Variants in TBC1D14 observed in about 807,000 individuals in gnomAD.
TBC1D14 encodes TBC1 domain family, member 14.
A neutral mutation model predicts 79.0 loss-of-function variants in TBC1D14; 26 were observed. That is an observed-to-expected ratio of 0.33 (90% CI 0.24 to 0.46). The LOEUF (loss-of-function observed/expected upper bound fraction) is 0.46, where lower values mean the gene tolerates loss of function less well. Ranked by LOEUF, TBC1D14 falls within the 20% of genes least tolerant of loss-of-function variation. The probability of loss-of-function intolerance (pLI) is 1.00; values close to 1 mark genes in which losing one functional copy is unlikely to be tolerated. For missense variants in TBC1D14, 769 were observed against 887.6 expected (o/e 0.87, Z 1.70); for synonymous variants, 394 against 349.9 (o/e 1.13, Z -1.40).
At chr4:6,976,354 A>G (rs1267093547) in intron 3 of TBC1D14, among the ~76,000 whole-genome samples, 3 of 152,226 alleles carry the variant, frequency 2.0e-5, no homozygotes, top group South Asian at 2.1e-4. Flanking sequence ...AAACTCTAAA[A>G]AGTAAGAAGT....
At chr4:6,946,805 G>A (rs1560270120) in intron 2 of TBC1D14, among the ~76,000 whole-genome samples, 1 of 152,052 alleles carries the variant, frequency 6.6e-6, no homozygotes. Context: ...TAAATCCCAC[G>A]TATATCCCCT....
At chr4:6,992,592 C>T (rs1718617426) in intron 3 of TBC1D14, among the ~76,000 whole-genome samples, 1 of 152,220 alleles carries the variant, frequency 6.6e-6, no homozygotes, top group Non-Finnish European at 1.5e-5. Flanking sequence ...TTCACCAGAC[C>T]AGGCTCAGCA....
intron 2 of TBC1D14, among the ~76,000 whole-genome samples, chr4:6,944,987 C>T (rs892878279): frequency 1.3e-5 from 2 of 152,208 alleles, no homozygotes; most frequent in East Asian, 1.9e-4. Context: ...CCCCAATCCC[C>T]AGCTAACCCC....
chr4:6,944,293 T>G (rs1384735946), intron 2 of TBC1D14, among the ~76,000 whole-genome samples: 1 of 152,190 alleles, frequency 6.6e-6, no homozygotes, highest in Non-Finnish European at 1.5e-5. Context: ...TTAAAACGTG[T>G]TCGTATGCTT....
intron 3 of TBC1D14, among the ~76,000 whole-genome samples, chr4:6,992,563 T>G (rs1273742146): frequency 6.6e-6 from 1 of 152,250 alleles, no homozygotes; most frequent in Non-Finnish European, 1.5e-5. Flanking sequence ...GGGCCCAGCA[T>G]TCTGGCCTTG....
intron 2 of TBC1D14, among the ~76,000 whole-genome samples, chr4:6,929,904 C>G (rs1711572392): frequency 6.6e-6 from 1 of 152,336 alleles, no homozygotes; most frequent in African/African-American, 2.4e-5. Flanking sequence ...GAGACAGACT[C>G]AGAAAGGCTA....
intron 2 of TBC1D14, among the ~76,000 whole-genome samples, chr4:6,961,332 G>A (rs1715170070): frequency 6.6e-6 from 1 of 152,130 alleles, no homozygotes; most frequent in African/African-American, 2.4e-5. Context: ...TCCTGATGGG[G>A]CCAGCACCTT....
rs1722244273 is a variant in TBC1D14, at chr4:7,025,281, C to T, written c.2016+19C>T. 6.2e-7 allele frequency: 1 copy of T among 1,613,440 alleles called. No individual in the cohort carries two copies. Among genetic ancestry groups the T allele is most frequent in the Admixed American group, 1.7e-5 (1 of 59,998 alleles). On this transcript the variant is annotated intron_variant, in intron 13 of 13. Coordinates refer to ENST00000409757, the MANE Select transcript of TBC1D14 (RefSeq NM_020773.3). Reference sequence around the variant, plus strand: ...GGCTCAGGTCAGCGGGCTTTGTGTTCTTGGCTTCCCACAGCGTAGCCGGCA... The same window carrying T: ...GGCTCAGGTCAGCGGGCTTTGTGTTTTTGGCTTCCCACAGCGTAGCCGGCA...
chr4:7,009,805 T>C, intron 9 of TBC1D14, 72 bp from the exon 10 acceptor site: 1 of 1,442,664 alleles, frequency 6.9e-7, no homozygotes, highest in East Asian at 2.3e-5. Flanking sequence ...GCAGCAGTAG[T>C]AGTATCAGAT....
chr4:7,021,587 A>T (rs1380751038), intron 12 of TBC1D14, among the ~76,000 whole-genome samples: 1 of 151,982 alleles, frequency 6.6e-6, no homozygotes, highest in Admixed American at 6.5e-5. Flanking sequence ...ACACAGTGAG[A>T]CCCTGTCTTA....
At chr4:6,967,276 C>T (rs765939741) in intron 2 of TBC1D14, 28 bp from the exon 3 acceptor site, 5 of 1,610,768 alleles carry the variant, frequency 3.1e-6, no homozygotes, top group Non-Finnish European at 4.2e-6. Flanking sequence ...CCCAGAAATG[C>T]CCTAACCTTG....
At chr4:6,946,032 G>A (rs1431005312) in intron 2 of TBC1D14, among the ~76,000 whole-genome samples, 4 of 152,152 alleles carry the variant, frequency 2.6e-5, no homozygotes, top group East Asian at 1.9e-4. Flanking sequence ...AGAAAGAATG[G>A]ACTTTCAATT....
chr4:6,935,648 CTT>C (rs35944828), intron 2 of TBC1D14, among the ~76,000 whole-genome samples: 81 of 146,078 alleles, frequency 5.5e-4, no homozygotes, highest in African/African-American at 8.8e-4. Context: ...TGTGAGTGTA[CTT>C]TTTTTTTTTT....
At chr4:6,963,583 C>T (rs1294090670) in intron 2 of TBC1D14, among the ~76,000 whole-genome samples, 2 of 152,194 alleles carry the variant, frequency 1.3e-5, no homozygotes, top group African/African-American at 2.4e-5. Flanking sequence ...GCCACAGCTA[C>T]GCCAGGACTC....
chr4:6,953,647 A>AAAAAG (rs1714326929), intron 2 of TBC1D14, among the ~76,000 whole-genome samples: 1 of 150,342 alleles, frequency 6.7e-6, no homozygotes, highest in African/African-American at 2.4e-5. Flanking sequence ...AAAAAAAAAA[A>AAAAAG]AAAAGAATAG....
chr4:6,922,658 CAG>C (rs1160891805), intron 1 of TBC1D14, among the ~76,000 whole-genome samples: 2 of 152,138 alleles, frequency 1.3e-5, no homozygotes, highest in African/African-American at 4.8e-5. Context: ...AATGCTGTCT[CAG>C]AACAAGTAGA....
intron 2 of TBC1D14, among the ~76,000 whole-genome samples, chr4:6,938,827 G>A (rs576153761): frequency 2.0e-5 from 3 of 152,298 alleles, no homozygotes; most frequent in African/African-American, 4.8e-5. Context: ...GCTGTGGCTC[G>A]GGCTGGCCTC....
intron 2 of TBC1D14, among the ~76,000 whole-genome samples, chr4:6,927,387 C>T (rs1051646054): frequency 1.3e-5 from 2 of 151,956 alleles, no homozygotes; most frequent in African/African-American, 4.8e-5. Flanking sequence ...TCGCTGTGGG[C>T]CTTGGGCAAG....
In TBC1D14 at chr4:6,923,938, G is replaced by A. The variant is rs755551083; in HGVS notation, c.549G>A (p.Thr183=). 2 of 1,614,030 alleles carry A rather than the reference G, an allele frequency of 1.2e-6. No homozygotes were observed. Among genetic ancestry groups the A allele is most frequent in the Admixed American group, 1.7e-5 (1 of 59,998 alleles). The change falls in exon 2 of 14, where the codon ACG becomes ACA. Residue 183 remains threonine (T), a synonymous_variant. Coordinates refer to ENST00000409757, the MANE Select transcript of TBC1D14 (RefSeq NM_020773.3). Reference sequence around the variant, plus strand: ...AGGACATCTTGGACCTTGTGGTCACGAGCAGCTCCAGTGCCATTGTGACCC... The same window carrying A: ...AGGACATCTTGGACCTTGTGGTCACAAGCAGCTCCAGTGCCATTGTGACCC... The part of the protein sequence containing the change: ...SNEDILDLVV[T]SSSSAIVTLE...
Sources: allele counts gnomAD v4.1 joint callset (sites outside exome capture counted in the v4.1 genomes callset), GRCh38; gene constraint gnomAD v4.1.1; transcripts MANE v1.5; gene names NCBI Gene and HGNC (gene_info 2026-07-23, HGNC 2026-07-21).